Variants in UGT8 observed in about 807,000 individuals in gnomAD.
UGT8 encodes the protein 2-hydroxyacylsphingosine 1-beta-galactosyltransferase.
Under a neutral mutation model 40.5 loss-of-function variants are expected in UGT8, and 12 were observed. The ratio of observed to expected loss-of-function variants is 0.30; its 90% CI spans 0.19 to 0.48. UGT8 has a LOEUF of 0.48. Among genes scored for constraint, UGT8 ranks in the 20% least tolerant of loss-of-function variants. The pLI is 0.99. For synonymous variants in UGT8, 224 were observed against 240.4 expected, an observed-to-expected ratio of 0.93 and a Z score of 0.63; for missense variants, 513 against 648.7, an observed-to-expected ratio of 0.79 and a Z score of 2.27.
chr4:114,674,610 G>C (rs1735505084), intron 5 of UGT8, among the ~76,000 whole-genome samples: 1 of 152,184 alleles, frequency 6.6e-6, no homozygotes, highest in African/African-American at 2.4e-5. Flanking sequence ...CCATGGGGAA[G>C]ACTCATCTTC....
At chr4:114,647,748 C>G (rs1022619607) in intron 2 of UGT8, among the ~76,000 whole-genome samples, 1 of 152,116 alleles carries the variant, frequency 6.6e-6, no homozygotes, top group African/African-American at 2.4e-5. Context: ...TCCAAGGAGG[C>G]TAAGTGACTC....
intron 2 of UGT8, among the ~76,000 whole-genome samples, chr4:114,624,657 G>T (rs1422452965): frequency 6.6e-6 from 1 of 152,154 alleles, no homozygotes; most frequent in African/African-American, 2.4e-5. Flanking sequence ...AGTAAATCCA[G>T]ATTTTCTCGT....
intron 2 of UGT8, among the ~76,000 whole-genome samples, chr4:114,653,975 T>C (rs796925784): frequency 6.6e-5 from 10 of 152,204 alleles, no homozygotes; most frequent in African/African-American, 1.7e-4. Context: ...ATGAAATGAA[T>C]ATGCATGCAG....
intron 5 of UGT8, among the ~76,000 whole-genome samples, chr4:114,669,139 A>T (rs1317935946): frequency 6.6e-6 from 1 of 152,190 alleles, no homozygotes; most frequent in Non-Finnish European, 1.5e-5. Context: ...AAATTATTTC[A>T]TATAAAAGGA....
chr4:114,654,150 A>G (rs1734039180), intron 2 of UGT8, among the ~76,000 whole-genome samples: 1 of 152,068 alleles, frequency 6.6e-6, no homozygotes, highest in Non-Finnish European at 1.5e-5. Context: ...ATGGATTAGA[A>G]GTAGGTTATT....
At chr4:114,639,614 G>C (rs527452904) in intron 2 of UGT8, among the ~76,000 whole-genome samples, 2 of 152,280 alleles carry the variant, frequency 1.3e-5, no homozygotes, top group Admixed American at 6.5e-5. Context: ...TCTTTGAGAT[G>C]ACCTAAGGAG....
At chr4:114,627,230 A>T (rs894354610) in intron 2 of UGT8, among the ~76,000 whole-genome samples, 1 of 151,626 alleles carries the variant, frequency 6.6e-6, no homozygotes, top group Non-Finnish European at 1.5e-5. Flanking sequence ...GGAGGTCTGT[A>T]GACAGGTCCC....
chr4:114,633,090 G>A (rs1310780331), intron 2 of UGT8, among the ~76,000 whole-genome samples: 1 of 152,072 alleles, frequency 6.6e-6, no homozygotes, highest in Non-Finnish European at 1.5e-5. Context: ...CATTGAAAAG[G>A]TTTTACAAAT....
chr4:114,628,642 G>T (rs1339756304), intron 2 of UGT8, among the ~76,000 whole-genome samples: 1 of 150,956 alleles, frequency 6.6e-6, no homozygotes, highest in Non-Finnish European at 1.5e-5. Context: ...GCACTCATTT[G>T]GTGCTCTTCA....
intron 2 of UGT8, among the ~76,000 whole-genome samples, chr4:114,649,885 G>C (rs1733798201): frequency 6.6e-6 from 1 of 151,778 alleles, no homozygotes; most frequent in Non-Finnish European, 1.5e-5. Context: ...TAACTCCTTG[G>C]TACACTTTTG....
chr4:114,619,677 T>C (rs1731659271), intron 1 of UGT8, among the ~76,000 whole-genome samples: 1 of 151,962 alleles, frequency 6.6e-6, no homozygotes, highest in Non-Finnish European at 1.5e-5. Context: ...GTGGCTGCAT[T>C]ATATGAATGA....
intron 2 of UGT8, among the ~76,000 whole-genome samples, chr4:114,633,836 C>T (rs1277005713): frequency 2.6e-5 from 4 of 151,802 alleles, no homozygotes; most frequent in African/African-American, 7.3e-5. Flanking sequence ...CCCAGCTACT[C>T]GGGAGACTGA....
Position 114,623,363 on chromosome 4 carries a change from C to G in UGT8, c.483C>G (p.Gly161=), listed in dbSNP as rs368584974. ...TTAAATATGCTGTATTTTCAACTGG[C>G]CTTTGGTATCCTGCTGAAGTGGGTG... is the stretch of plus-strand genomic sequence containing the variant. ...LGVKYAVFST[G]LWYPAEVGAP... is the part of the protein sequence containing the mutation. The change falls in exon 2 of 6, where the codon GGC becomes GGG. Residue 161 remains glycine (G), a synonymous_variant. Coordinates refer to ENST00000310836, the MANE Select transcript of UGT8 (RefSeq NM_001128174.3). The G allele has an allele frequency of 4.3e-6, 7 of 1,613,978 alleles. No individual in the cohort carries two copies. The highest frequency in any genetic ancestry group is 3.3e-5 in the Admixed American group (2 of 59,990).
chr4:114,659,863 C>G (rs1680555173), intron 2 of UGT8, among the ~76,000 whole-genome samples: 1 of 152,044 alleles, frequency 6.6e-6, no homozygotes, highest in Admixed American at 6.6e-5. Context: ...AAATAAAACT[C>G]TTTGGTATTG....
chr4:114,602,730 G>T (rs1012446816), intron 1 of UGT8, among the ~76,000 whole-genome samples: 1 of 152,186 alleles, frequency 6.6e-6, no homozygotes, highest in Non-Finnish European at 1.5e-5. Flanking sequence ...ACAGTACCCT[G>T]AGCAGAAATT....
At chr4:114,598,775 A>G (rs377731157), upstream of UGT8, 1 of 152,110 alleles carries the variant, frequency 6.6e-6, no homozygotes, top group African/African-American at 2.4e-5. Context: ...GAGGGAGGAC[A>G]CGGTTAAAGC....
At chr4:114,620,542 A>T (rs1349346440) in intron 1 of UGT8, among the ~76,000 whole-genome samples, 3 of 152,238 alleles carry the variant, frequency 2.0e-5, no homozygotes, top group Non-Finnish European at 2.9e-5. Context: ...ATTGTAGTCA[A>T]CTTTACTATA....
chr4:114,656,804 A>T (rs1225199389), intron 2 of UGT8: 1 of 524,310 alleles, frequency 1.9e-6, no homozygotes, highest in South Asian at 1.4e-5. Context: ...GATGAATCTG[A>T]GGCCAGGTTT....
At chr4:114,620,200 A>G (rs540905285) in intron 1 of UGT8, among the ~76,000 whole-genome samples, 167 of 152,304 alleles carry the variant, frequency 1.1e-3, no homozygotes, top group Non-Finnish European at 9.6e-4. Context: ...TTTAACTGTA[A>G]CTGAACAGAG....
Sources: allele counts gnomAD v4.1 joint callset (sites outside exome capture counted in the v4.1 genomes callset), GRCh38; gene constraint gnomAD v4.1.1; transcripts MANE v1.5; gene names NCBI Gene and HGNC (gene_info 2026-07-23, HGNC 2026-07-21).